CCDC85C: variants seen among roughly 807,000 people sequenced by gnomAD.
The protein encoded by CCDC85C is coiled-coil domain containing 85C, also known as coiled-coil domain-containing protein 85C.
CCDC85C carries 18 observed loss-of-function variants against 38.3 expected under a neutral mutation model. The observed-to-expected ratio is 0.47, with a 90% CI of 0.33 to 0.70. CCDC85C has a LOEUF of 0.70. Ranked by LOEUF, CCDC85C falls within the 30% of genes least tolerant of loss-of-function variation. The pLI is 0.03. For synonymous variants in CCDC85C, 264 were observed against 293.8 expected (o/e 0.90, Z 1.04); for missense variants, 566 against 621.2 (o/e 0.91, Z 0.94).
At chr14:99,564,248 T>C (rs1236113166) in intron 1 of CCDC85C, among the ~76,000 whole-genome samples, 1 of 152,188 alleles carries the variant, frequency 6.6e-6, no homozygotes, top group Non-Finnish European at 1.5e-5. Flanking sequence ...CACTGCTGCG[T>C]CCTTGCTGCT....
At position 99,558,969 on chromosome 14, in the gene CCDC85C, G is replaced by A. The variant is rs1347942606; in HGVS notation, c.794-22881C>T. On this transcript the variant is annotated intron_variant, in intron 1 of 5. Coordinates refer to ENST00000380243, the MANE Select transcript of CCDC85C (RefSeq NM_001144995.2). The surrounding 1 kb of genome is among the most constrained non-coding windows in gnomAD (Gnocchi z 4.2). ...TTCCTCTGTGATCTGGTTGTTTAAAGTGTGTGGCTCCTCCCCGCACTCTAC... is the reference window on the plus strand; with the variant it reads ...TTCCTCTGTGATCTGGTTGTTTAAAATGTGTGGCTCCTCCCCGCACTCTAC... Among the ~76,000 whole-genome samples, 1 of 152,046 alleles carries A rather than the reference G, an allele frequency of 6.6e-6. No homozygotes were observed. Among genetic ancestry groups the A allele is most frequent in the Non-Finnish European group, 1.5e-5 (1 of 67,996 alleles).
intron 1 of CCDC85C, among the ~76,000 whole-genome samples, chr14:99,578,665 T>C (rs2054930216): frequency 6.6e-6 from 1 of 152,218 alleles, no homozygotes; most frequent in East Asian, 1.9e-4. Flanking sequence ...CTTCTATTTT[T>C]GCTTTTGACC....
rs563343643 is a variant in CCDC85C at position 99,593,075 on chromosome 14, G to A, written c.793+10092C>T. Reference sequence around the variant, plus strand: ...GGCATGGGCAGTGTGGCCGGAACCCGCCACAAAGGGCCACTCCCAGAGCGG... The same window carrying A: ...GGCATGGGCAGTGTGGCCGGAACCCACCACAAAGGGCCACTCCCAGAGCGG... On this transcript the variant is annotated intron_variant, in intron 1 of 5. Coordinates refer to ENST00000380243, the MANE Select transcript of CCDC85C (RefSeq NM_001144995.2). Among the ~76,000 whole-genome samples the A allele has an allele frequency of 3.1e-4, 47 of 152,362 alleles. No individual in the cohort carries two copies. In the South Asian group the frequency reaches 7.7e-3, roughly 25 times the overall value.
chr14:99,553,554 G>A (rs1004333642), intron 1 of CCDC85C, among the ~76,000 whole-genome samples: 4 of 152,102 alleles, frequency 2.6e-5, no homozygotes, highest in Admixed American at 1.3e-4. Context: ...TAGTAGAGAC[G>A]GGGTTTCACC....
rs912885509 is a variant in CCDC85C at position 99,544,936 on chromosome 14, G to A, written c.794-8848C>T. Reference sequence around the variant, plus strand: ...CCACCTCGCGGATGCATGCAAAAACGGAGCTGCCATGACCGGAGCCCCACA... The same window carrying A: ...CCACCTCGCGGATGCATGCAAAAACAGAGCTGCCATGACCGGAGCCCCACA... On this transcript the variant is annotated intron_variant, in intron 1 of 5. Coordinates refer to ENST00000380243, the MANE Select transcript of CCDC85C (RefSeq NM_001144995.2). This position sits in a 1 kb window ranked among gnomAD's most constrained non-coding sequence, Gnocchi z 5.3. Among the ~76,000 whole-genome samples, 9 of 152,190 alleles carry A rather than the reference G, an allele frequency of 5.9e-5. No homozygotes were observed. The highest frequency in any genetic ancestry group is 5.8e-4 in the East Asian group (3 of 5,176).
Position 99,503,199 on chromosome 14 carries a change from G to A in CCDC85C, c.*12047C>T, listed in dbSNP as rs1260735515. On this transcript the variant is annotated 3_prime_UTR_variant, in exon 6 of 6. Coordinates refer to ENST00000380243, the MANE Select transcript of CCDC85C (RefSeq NM_001144995.2). The stretch of plus-strand genomic sequence containing the variant: ...AGAACCAGGAGGGGGCTCTCTGCCC[G>A]GCTCCAGCCCTGCTGCCTGTTTCAT... 1.4e-5 allele frequency: 10 copies of A among 701,980 alleles called. No homozygotes were observed. Among genetic ancestry groups the A allele is most frequent in the African/African-American group, 3.5e-5 (2 of 57,218 alleles). The allele number at this position is 701,980 out of a possible 1,614,324, so 43.5% of individuals were successfully genotyped here.
rs1438134309 is a variant in CCDC85C at position 99,604,013 on chromosome 14, C to A, written c.-54G>T. The A allele has an allele frequency of 6.1e-6, 7 of 1,148,574 alleles. No homozygotes were observed. The East Asian group carries it at 2.5e-4, about 41-fold the overall frequency. 71.1% of individuals were successfully genotyped at this position (1,148,574 alleles called of 1,614,324 possible). On this transcript the variant is annotated 5_prime_UTR_variant, in exon 1 of 6. Transcript: ENST00000380243. ...CGCCCTCGCCCGGCCGGCGCTTCCC[C>A]GCGCCGGGGCTCCGCTGGGCCGGTC...
rs908269352 is a variant in CCDC85C, at chr14:99,501,179, TGAG to T, written c.*14064_*14066del. On this transcript the variant is annotated 3_prime_UTR_variant, in exon 6 of 6. Transcript: ENST00000380243. ...ATACATGGTGGTTCAGCGTAGGTCA[TGAG>T]GAGGAAGAAGGGGTAGGATGTGGAC... 1.5e-5 allele frequency: 9 copies of T among 617,828 alleles called. No homozygotes were observed. The East Asian group carries it at 1.6e-4, about 11-fold the overall frequency. The allele number at this position is 617,828 out of a possible 1,614,324, so 38.3% of individuals were successfully genotyped here. A position where few individuals can be genotyped will look rare whatever the true frequency, so the allele number is the denominator to read the frequency against.
intron 1 of CCDC85C, among the ~76,000 whole-genome samples, chr14:99,594,625 G>A (rs1365824414): frequency 1.3e-5 from 2 of 152,226 alleles, no homozygotes; most frequent in Non-Finnish European, 2.9e-5. Context: ...GAGGCAGGAT[G>A]GGCAGGGGAG....
chr14:99,534,918 G>C (rs766878761), intron 2 of CCDC85C: 19 of 566,120 alleles, frequency 3.4e-5, no homozygotes, highest in Middle Eastern at 4.6e-4. Context: ...GGTGGGGAGT[G>C]GGGGGCGGGG....
chr14:99,603,269 C>CG lies in CCDC85C; in HGVS notation c.690dup (p.Gly231ArgfsTer54), dbSNP rs1566788126. The CG allele has an allele frequency of 8.0e-6, 11 of 1,381,920 alleles. No homozygotes were observed. The Admixed American group carries it at 1.0e-4, about 13-fold the overall frequency. 85.6% of individuals were successfully genotyped at this position (1,381,920 alleles called of 1,614,324 possible). A position where few individuals can be genotyped will look rare whatever the true frequency, so the allele number is the denominator to read the frequency against. The stretch of plus-strand genomic sequence containing the variant: ...TTGCCGTCGGGGGCCTTGTGCGGCC[C>CG]GGGGGGCAGCAGCGGGGGTGGGACG... On this transcript the variant is annotated frameshift_variant, in exon 1 of 6. Transcript: ENST00000380243. LOFTEE classifies it high-confidence loss of function. This position sits in a 1 kb window ranked among gnomAD's most constrained non-coding sequence, Gnocchi z 7.5.
intron 1 of CCDC85C, among the ~76,000 whole-genome samples, chr14:99,538,800 G>T (rs1897656206): frequency 6.6e-6 from 1 of 152,228 alleles, no homozygotes. Flanking sequence ...TTCCCAGTAA[G>T]GGTTAAAGAC....
At position 99,503,436 on chromosome 14, in the gene CCDC85C, A is replaced by G. The variant is rs1896891160; in HGVS notation, c.*11810T>C. 3.3e-6 allele frequency: 2 copies of G among 613,896 alleles called. No individual in the cohort carries two copies. The highest frequency in any genetic ancestry group is 5.8e-6 in the Non-Finnish European group (2 of 343,590). The allele number at this position is 613,896 out of a possible 1,614,324, so 38.0% of individuals were successfully genotyped here. A position where few individuals can be genotyped will look rare whatever the true frequency, so the allele number is the denominator to read the frequency against. ...AAATGGAAAGAGGAAGGGAGCAGAA[A>G]TGATGATCTGGTAGGTGCCGTGGTT... On this transcript the variant is annotated 3_prime_UTR_variant, in exon 6 of 6. Coordinates refer to ENST00000380243, the MANE Select transcript of CCDC85C (RefSeq NM_001144995.2).
chr14:99,524,629 G>C (rs1239815496), intron 2 of CCDC85C, among the ~76,000 whole-genome samples: 1 of 152,216 alleles, frequency 6.6e-6, no homozygotes, highest in Non-Finnish European at 1.5e-5. Flanking sequence ...GTGACTAATG[G>C]CGCATCAAAT....
At chr14:99,552,810 G>A (rs957474811) in intron 1 of CCDC85C, among the ~76,000 whole-genome samples, 3 of 152,230 alleles carry the variant, frequency 2.0e-5, no homozygotes, top group Admixed American at 1.3e-4. Flanking sequence ...ACGAGCTTCC[G>A]GGGCTCAAGG....
Position 99,501,372 on chromosome 14 carries a change from T to A in CCDC85C, c.*13874A>T. The A allele has an allele frequency of 6.2e-7, 1 of 1,606,430 alleles. No individual in the cohort carries two copies. The highest frequency in any genetic ancestry group is 8.5e-7 in the Non-Finnish European group (1 of 1,174,734). On this transcript the variant is annotated 3_prime_UTR_variant, in exon 6 of 6. Transcript: ENST00000380243. ...CATTTCTAGGTGATAAAAACAAAAT[T>A]CAAAAGTTGGTTCAAATGGCATGGA...
intron 1 of CCDC85C, among the ~76,000 whole-genome samples, chr14:99,587,375 T>G (rs1300095331): frequency 6.6e-6 from 1 of 152,238 alleles, no homozygotes; most frequent in Non-Finnish European, 1.5e-5. Context: ...TGCCTAAAGT[T>G]AATGGTCAGA....
chr14:99,572,038 G>A lies in CCDC85C; in HGVS notation c.793+31129C>T, dbSNP rs530398411. Among the ~76,000 whole-genome samples, 46 of 152,234 alleles carry A rather than the reference G, an allele frequency of 3.0e-4. No individual in the cohort carries two copies. In the South Asian group the frequency reaches 7.9e-3, roughly 26 times the overall value. ...CTGCCTGCAGCAGGCACCCTTCCAC[G>A]GGGCATCTCAGAGCGTGATCCCCAG... On this transcript the variant is annotated intron_variant, in intron 1 of 5. Transcript: ENST00000380243. The surrounding 1 kb of genome is among the most constrained non-coding windows in gnomAD (Gnocchi z 4.4).
At chr14:99,587,920 C>A (rs537081228) in intron 1 of CCDC85C, among the ~76,000 whole-genome samples, 1 of 152,346 alleles carries the variant, frequency 6.6e-6, no homozygotes, top group African/African-American at 2.4e-5. Flanking sequence ...AACAGAGCCA[C>A]ACTGCCCTCC....
Sources: allele counts gnomAD v4.1 joint callset (sites outside exome capture counted in the v4.1 genomes callset), GRCh38; gene constraint gnomAD v4.1.1; non-coding constraint Gnocchi (gnomAD v3.1); transcripts MANE v1.5; gene names NCBI Gene and HGNC (gene_info 2026-07-23, HGNC 2026-07-21).